Variants in ATP2C1 observed in about 807,000 individuals in gnomAD.
ATP2C1 encodes the protein calcium-transporting ATPase type 2C member 1.
Under a neutral mutation model 120.5 loss-of-function variants are expected in ATP2C1, and 31 were observed. That is an observed-to-expected ratio of 0.26 (90% CI 0.19 to 0.35). The LOEUF (loss-of-function observed/expected upper bound fraction) is 0.35, where lower values mean the gene tolerates loss of function less well. Ranked by LOEUF, ATP2C1 falls within the 10% of genes least tolerant of loss-of-function variation. The pLI, the probability that ATP2C1 is intolerant of heterozygous loss-of-function variation, is 1.00. For missense variants in ATP2C1, 731 were observed against 1,107.5 expected (o/e 0.66, Z 4.83); for synonymous variants, 351 against 358.7 (o/e 0.98, Z 0.24).
intron 2 of ATP2C1, among the ~76,000 whole-genome samples, chr3:130,929,375 G>A (rs1028456172): frequency 1.3e-5 from 2 of 152,094 alleles, no homozygotes; most frequent in African/African-American, 4.8e-5. Flanking sequence ...GCAGGCCTCT[G>A]TAATGACACT....
intron 17 of ATP2C1, among the ~76,000 whole-genome samples, chr3:130,973,766 T>C (rs1041093305): frequency 9.2e-5 from 14 of 152,210 alleles, no homozygotes; most frequent in Non-Finnish European, 1.9e-4. Flanking sequence ...TTCTTTATAC[T>C]TTTCAATGAA....
chr3:131,005,512 A>G (rs2063074161), downstream of ATP2C1, among the ~76,000 whole-genome samples: 1 of 152,220 alleles, frequency 6.6e-6, no homozygotes, highest in South Asian at 2.1e-4. Flanking sequence ...CTTGAATAGT[A>G]GAGCTATTAG....
At chr3:130,982,757 A>G (rs555127080) in intron 20 of ATP2C1, among the ~76,000 whole-genome samples, 5 of 152,280 alleles carry the variant, frequency 3.3e-5, no homozygotes, top group African/African-American at 9.6e-5. Flanking sequence ...AGGTATGTCT[A>G]TACTTTTTTG....
At position 130,894,671 on chromosome 3, in the gene ATP2C1, C is replaced by T. The variant is rs2069424615; in HGVS notation, c.-99C>T. The T allele has an allele frequency of 1.2e-6, 2 of 1,611,930 alleles. No individual in the cohort carries two copies. The highest frequency in any genetic ancestry group is 3.3e-5 in the Admixed American group (2 of 59,954). ...TGACAGCCTGGGATTCCGGGGGCTT[C>T]TCTTCCTTGTCCTCCTCCTCTCCTC... is the stretch of plus-strand genomic sequence containing the variant. On this transcript the variant is annotated 5_prime_UTR_variant, in exon 2 of 28. Transcript: ENST00000510168. This position sits in a 1 kb window ranked among gnomAD's most constrained non-coding sequence, Gnocchi z 4.5.
At chr3:130,890,026 C>T (rs1388151491), upstream of ATP2C1, among the ~76,000 whole-genome samples, 1 of 152,122 alleles carries the variant, frequency 6.6e-6, no homozygotes, top group Non-Finnish European at 1.5e-5. Context: ...TCATAGGAAA[C>T]AAGTAGATTG....
intron 2 of ATP2C1, among the ~76,000 whole-genome samples, chr3:130,909,167 T>A (rs1340380169): frequency 6.6e-6 from 1 of 152,166 alleles, no homozygotes; most frequent in African/African-American, 2.4e-5. Context: ...ACTGATACAT[T>A]TTCAGAAACC....
intron 17 of ATP2C1, among the ~76,000 whole-genome samples, chr3:130,973,363 A>T (rs1163782991): frequency 6.6e-6 from 1 of 152,164 alleles, no homozygotes; most frequent in African/African-American, 2.4e-5. Flanking sequence ...AGAGAGCTTT[A>T]AGCAAAGGGG....
At chr3:130,870,048 C>T (rs2068379718) in intron 1 of ATP2C1, among the ~76,000 whole-genome samples, 1 of 151,992 alleles carries the variant, frequency 6.6e-6, no homozygotes, top group East Asian at 1.9e-4. Flanking sequence ...ATTCTAGGTC[C>T]CTAAAGAATG....
At chr3:130,852,179 C>A (rs1412438146) in intron 1 of ATP2C1, among the ~76,000 whole-genome samples, 1 of 152,140 alleles carries the variant, frequency 6.6e-6, no homozygotes, top group Non-Finnish European at 1.5e-5. Flanking sequence ...CCTGCACTTG[C>A]TTTTGATGTA....
chr3:130,972,011 C>T (rs1000416517), intron 17 of ATP2C1, among the ~76,000 whole-genome samples: 1 of 152,156 alleles, frequency 6.6e-6, no homozygotes, highest in Non-Finnish European at 1.5e-5. Flanking sequence ...TGGTCCCCAG[C>T]CTTTTTGGCA....
intron 12 of ATP2C1, 24 bp from the exon 13 acceptor site, chr3:130,963,947 A>G (rs1206232489): frequency 1.2e-6 from 2 of 1,611,974 alleles, no homozygotes; most frequent in Admixed American, 3.3e-5. Flanking sequence ...CTACATTTTA[A>G]TACTTTGTAT....
intron 18 of ATP2C1, among the ~76,000 whole-genome samples, chr3:130,976,964 T>G (rs1250316885): frequency 6.6e-6 from 1 of 152,196 alleles, no homozygotes; most frequent in East Asian, 1.9e-4. Context: ...CCAAACTGTT[T>G]GGAAGCTCAG....
At position 130,959,270 on chromosome 3, in the gene ATP2C1, T is replaced by C; in HGVS notation, c.833-5T>C. On this transcript the variant is annotated splice_polypyrimidine_tract_variant and splice_region_variant and intron_variant, in intron 11 of 27. Transcript: ENST00000510168. ...GGGAAAAATAACTATTTAATTATCT[T>C]TCAGGAATCATCATGTTGGTTGGCT... 1 of 1,600,838 alleles carries C rather than the reference T, an allele frequency of 6.2e-7. No homozygotes were observed. The highest frequency in any genetic ancestry group is 8.6e-7 in the Non-Finnish European group (1 of 1,168,576).
Position 130,894,441 on chromosome 3 carries a change from C to G in ATP2C1, c.-181+104C>G. On this transcript the variant is annotated intron_variant, in intron 1 of 27. Transcript: ENST00000510168. The surrounding 1 kb of genome is among the most constrained non-coding windows in gnomAD (Gnocchi z 4.5). The stretch of plus-strand genomic sequence containing the variant: ...TGGATGGGGGGGCATCTCTAGGGCG[C>G]CGCCCCGCTGGCGTGAGCTGGGGAC... 7.7e-7 allele frequency: 1 copy of G among 1,299,784 alleles called. No homozygotes were observed. Among genetic ancestry groups the G allele is most frequent in the South Asian group, 1.7e-5 (1 of 59,958 alleles). The allele number at this position is 1,299,784 out of a possible 1,614,324, so 80.5% of individuals were successfully genotyped here.
intron 1 of ATP2C1, among the ~76,000 whole-genome samples, chr3:130,867,754 G>A (rs1367372094): frequency 2.4e-5 from 1 of 41,822 alleles, no homozygotes; most frequent in African/African-American, 6.9e-5. Flanking sequence ...GCCACCCATC[G>A]TCTGGGATAT....
At position 130,867,294 on chromosome 3, in the gene ATP2C1, T is replaced by TTTTCCCTCTCCCTCTCCC. The variant is rs1263482622; in HGVS notation, c.108+16367_108+16368insTTCCCTCTCCCTCTCCCT. ...TCTTTAAATCAAAAAATAGAAATGA[T>TTTTCCCTCTCCCTCTCCC]TGTCCCTCTCCCTCTCCCTCTCCCT... On this transcript the variant is annotated intron_variant, in intron 1 of 26. Transcript: ENST00000504381. 1.0e-3 allele frequency among the ~76,000 whole-genome samples: 148 copies of TTTTCCCTCTCCCTCTCCC among 140,958 alleles called. 1 individual carries two copies. The highest frequency in any genetic ancestry group is 3.1e-3 in the African/African-American group (113 of 36,582). 92.5% of individuals were successfully genotyped at this position (140,958 alleles called of 152,430 possible).
intron 16 of ATP2C1, 48 bp downstream of exon 16, chr3:130,967,467 C>A: frequency 6.9e-7 from 1 of 1,444,340 alleles, no homozygotes; most frequent in Non-Finnish European, 9.7e-7. Context: ...ACTGCCCTCA[C>A]AACAGAATGC....
intron 25 of ATP2C1, 73 bp from the exon 26 acceptor site, chr3:130,998,221 A>G (rs1025018612): frequency 5.1e-5 from 52 of 1,025,482 alleles, no homozygotes; most frequent in Non-Finnish European, 7.8e-5. Flanking sequence ...AAATGTTTAT[A>G]TTTTTTAAAA....
In ATP2C1 at chr3:131,001,292, G is replaced by T; in HGVS notation, c.2702G>T (p.Ser901Ile). Reference sequence around the variant, plus strand: ...GAAATTATAAAGAAGGTTGAAAGGAGCAGGGAAAAGATCCAGAAGCATGTT... The same window carrying T: ...GAAATTATAAAGAAGGTTGAAAGGATCAGGGAAAAGATCCAGAAGCATGTT... ...VAEIIKKVER[S>I]REKIQKHVSS... Residue 901 changes from serine (S) to isoleucine (I), a missense_variant, in exon 28 of 28, where the codon AGC becomes ATC. Physicochemically the swap from Ser to Ile is moderately radical, Grantham distance 142 (BLOSUM62 -2). Transcript: ENST00000510168. 1 of 1,613,774 alleles carries T rather than the reference G, an allele frequency of 6.2e-7. No individual in the cohort carries two copies. The highest frequency in any genetic ancestry group is 8.5e-7 in the Non-Finnish European group (1 of 1,179,830).
Sources: gnomAD v4.1 joint callset for allele counts (sites outside exome capture counted in the v4.1 genomes callset) on GRCh38, gnomAD v4.1.1 for gene constraint, Gnocchi (gnomAD v3.1) non-coding constraint, MANE v1.5 for transcripts, NCBI Gene and HGNC (gene_info 2026-07-23, HGNC 2026-07-21) for gene names.